The following CNTNAP2 variants were observed in gnomAD, a reference collection of about 807,000 sequenced individuals.
CNTNAP2 encodes contactin-associated protein-like 2.
In CNTNAP2, 98 loss-of-function variants were observed where a neutral mutation model predicts 155.2. The ratio of observed to expected loss-of-function variants is 0.63; its 90% CI spans 0.54 to 0.75. The LOEUF (loss-of-function observed/expected upper bound fraction) is 0.75, where lower values mean the gene tolerates loss of function less well. CNTNAP2 is among the 30% of genes least tolerant of loss of function. The probability of loss-of-function intolerance (pLI) is 0.00; values close to 1 mark genes in which losing one functional copy is unlikely to be tolerated. For synonymous variants in CNTNAP2, 651 were observed against 631.2 expected (o/e 1.03, Z -0.47); for missense variants, 1,727 against 1,688.1 (o/e 1.02, Z -0.40).
chr7:147,590,588 T>C (rs1169816009), intron 12 of CNTNAP2, among the ~76,000 whole-genome samples: 1 of 152,180 alleles, frequency 6.6e-6, no homozygotes, highest in Non-Finnish European at 1.5e-5. Flanking sequence ...GTCTGTTATT[T>C]CTTTACAGCA....
intron 1 of CNTNAP2, among the ~76,000 whole-genome samples, chr7:146,585,373 G>A (rs1032152195): frequency 2.0e-5 from 3 of 151,948 alleles, no homozygotes; most frequent in African/African-American, 7.3e-5. Context: ...ACCCACCTCC[G>A]CCTCCCAAAG....
At chr7:147,557,019 A>G (rs1405941833) in intron 11 of CNTNAP2, among the ~76,000 whole-genome samples, 3 of 151,612 alleles carry the variant, frequency 2.0e-5, no homozygotes, top group Non-Finnish European at 4.4e-5. Context: ...AGGCTGAGGC[A>G]GGCGGGGGTC....
rs74386450 is a variant in CNTNAP2 at position 147,479,144 on chromosome 7, T to C, written c.1671-6791T>C. ...GTGCTTAACTAAACATGCAGGCCCT[T>C]GTCTTCCCTCCACGTAGAAGGGGAT... On this transcript the variant is annotated intron_variant, in intron 10 of 23. Transcript: ENST00000361727. 3.7e-4 allele frequency among the ~76,000 whole-genome samples: 56 copies of C among 152,324 alleles called. No individual in the cohort carries two copies. The East Asian group carries it at 9.1e-3, about 25-fold the overall frequency.
chr7:146,667,488 A>AT (rs138513768), intron 1 of CNTNAP2, among the ~76,000 whole-genome samples: 17,104 of 151,038 alleles, frequency 0.11, 1,628 homozygotes, highest in African/African-American at 0.26. Flanking sequence ...AAATTTTAGG[A>AT]TTTTTTTTCT....
intron 16 of CNTNAP2, among the ~76,000 whole-genome samples, chr7:148,137,716 GGAAGGAAGGA>G (rs1563211773): frequency 4.1e-5 from 6 of 147,384 alleles, no homozygotes; most frequent in African/African-American, 1.5e-4. Flanking sequence ...AAGGAAGGAA[GGAAGGAAGGA>G]AGGAAGGAAG....
At chr7:148,068,507 A>T (rs952333608) in intron 15 of CNTNAP2, among the ~76,000 whole-genome samples, 2 of 152,204 alleles carry the variant, frequency 1.3e-5, no homozygotes, top group Non-Finnish European at 2.9e-5. Context: ...CGCTTTGGGC[A>T]CTCACAGTGT....
intron 1 of CNTNAP2, among the ~76,000 whole-genome samples, chr7:146,768,792 G>A (rs923754689): frequency 3.3e-5 from 5 of 151,998 alleles, no homozygotes; most frequent in Admixed American, 1.3e-4. Flanking sequence ...TACCAAATGG[G>A]TCATATAAAA....
chr7:147,613,206 A>AC (rs1428943365), intron 12 of CNTNAP2, among the ~76,000 whole-genome samples: 2 of 152,234 alleles, frequency 1.3e-5, no homozygotes, highest in African/African-American at 4.8e-5. Flanking sequence ...ATAAAACCTC[A>AC]TTGTAGTTCT....
chr7:146,385,342 C>T (rs1237110997), intron 1 of CNTNAP2, among the ~76,000 whole-genome samples: 4 of 152,076 alleles, frequency 2.6e-5, no homozygotes, highest in Non-Finnish European at 2.9e-5. Flanking sequence ...GGTAGTGCTG[C>T]CCCAGGGGAA....
At chr7:146,410,055 A>G (rs1584912291) in intron 1 of CNTNAP2, among the ~76,000 whole-genome samples, 2 of 152,166 alleles carry the variant, frequency 1.3e-5, no homozygotes, top group South Asian at 4.1e-4. Flanking sequence ...GTATATTTGC[A>G]GTAAAGTATC....
At chr7:147,306,408 G>A (rs1795027662) in intron 9 of CNTNAP2, among the ~76,000 whole-genome samples, 1 of 152,116 alleles carries the variant, frequency 6.6e-6, no homozygotes, top group African/African-American at 2.4e-5. Context: ...AGAATTTGAT[G>A]GTCAAATTTC....
chr7:146,196,759 C>T (rs150768021), intron 1 of CNTNAP2, among the ~76,000 whole-genome samples: 336 of 152,126 alleles, frequency 2.2e-3, no homozygotes, highest in Non-Finnish European at 3.9e-3. Flanking sequence ...AGTATATATT[C>T]ACATAGAAAG....
intron 1 of CNTNAP2, among the ~76,000 whole-genome samples, chr7:146,443,435 T>G (rs1796356761): frequency 6.6e-6 from 1 of 151,752 alleles, no homozygotes; most frequent in Non-Finnish European, 1.5e-5. Flanking sequence ...ACCACTATGC[T>G]CAGGCCTCCC....
chr7:146,226,512 G>A (rs1173080659), intron 1 of CNTNAP2, among the ~76,000 whole-genome samples: 3 of 151,944 alleles, frequency 2.0e-5, no homozygotes, highest in Non-Finnish European at 2.9e-5. Context: ...TACAAAAATT[G>A]ACCAGGCATG....
At chr7:147,233,372 T>G (rs1471194868) in intron 8 of CNTNAP2, among the ~76,000 whole-genome samples, 5 of 152,184 alleles carry the variant, frequency 3.3e-5, no homozygotes, top group Non-Finnish European at 7.4e-5. Context: ...CAATATTTCT[T>G]TTCTTACATT....
intron 3 of CNTNAP2, among the ~76,000 whole-genome samples, chr7:146,857,391 A>G (rs1795011695): frequency 6.6e-6 from 1 of 152,230 alleles, no homozygotes; most frequent in Non-Finnish European, 1.5e-5. Flanking sequence ...AAAATCCAGC[A>G]TTAGAAACAC....
intron 11 of CNTNAP2, among the ~76,000 whole-genome samples, chr7:147,549,455 C>T (rs1378199845): frequency 6.6e-6 from 1 of 152,158 alleles, no homozygotes; most frequent in East Asian, 1.9e-4. Context: ...GATTTTGTAT[C>T]CTGAGATTTT....
chr7:146,989,785 T>C (rs1379371776), intron 3 of CNTNAP2, among the ~76,000 whole-genome samples: 1 of 152,108 alleles, frequency 6.6e-6, no homozygotes, highest in South Asian at 2.1e-4. Context: ...TAGTAACTCG[T>C]TGGCTCTCCA....
intron 13 of CNTNAP2, among the ~76,000 whole-genome samples, chr7:147,882,767 ACAGACAGGACAGAACCCAGGAAATC>A (rs67326031): frequency 0.53 from 80,003 of 151,374 alleles, 21,228 homozygotes; most frequent in East Asian, 0.61. Context: ...CCTAAAGAAG[ACAGACAGGACAGAACCCAGGAAATC>A]CAATAAGTGG....
Sources: allele counts gnomAD v4.1 joint callset (sites outside exome capture counted in the v4.1 genomes callset), GRCh38; gene constraint gnomAD v4.1.1; transcripts MANE v1.5; gene names NCBI Gene and HGNC (gene_info 2026-07-23, HGNC 2026-07-21).